Variants in TBCD observed in about 807,000 individuals in gnomAD.
TBCD encodes the protein tubulin-specific chaperone D.
A neutral mutation model predicts 169.3 loss-of-function variants in TBCD; 105 were observed. That is an observed-to-expected ratio of 0.62 (90% CI 0.53 to 0.73). TBCD has a LOEUF of 0.73. Ranked by LOEUF, TBCD falls within the 30% of genes least tolerant of loss-of-function variation. The pLI is 0.00. For missense variants in TBCD, 1,444 were observed against 1,600.1 expected (o/e 0.90, Z 1.66); for synonymous variants, 700 against 643.9 (o/e 1.09, Z -1.32).
At position 82,929,484 on chromosome 17, in the gene TBCD, G is replaced by A; in HGVS notation, c.2975G>A (p.Gly992Asp). 6.2e-7 allele frequency: 1 copy of A among 1,607,738 alleles called. No individual in the cohort carries two copies. Among genetic ancestry groups the A allele is most frequent in the Non-Finnish European group, 8.5e-7 (1 of 1,179,856 alleles). ...CTGGGGCTAGTCGTGTCCCTGGGCGGCTTGACGGAGTCGACGGTGAGGAGG... is the reference window on the plus strand; with the variant it reads ...CTGGGGCTAGTCGTGTCCCTGGGCGACTTGACGGAGTCGACGGTGAGGAGG... ...VLLGLVVSLG[G>D]LTESTIRHST... Residue 992 changes from glycine (G) to aspartate (D), a missense_variant, in exon 32 of 39, where the codon GGC (glycine) becomes GAC (aspartate). Gly to Asp is a moderately conservative substitution (Grantham distance 94, BLOSUM62 -1). Coordinates refer to ENST00000355528, the MANE Select transcript of TBCD (RefSeq NM_005993.5).
intron 24 of TBCD, chr17:82,921,222 G>A (rs754165887): frequency 2.5e-5 from 13 of 518,134 alleles, no homozygotes; most frequent in Non-Finnish European, 3.8e-5. Flanking sequence ...AAGATTTAGG[G>A]GTAACAAAAG....
intron 23 of TBCD, among the ~76,000 whole-genome samples, chr17:82,914,394 G>A (rs1419501475): frequency 3.3e-5 from 5 of 152,214 alleles, no homozygotes; most frequent in Admixed American, 1.3e-4. Context: ...CAGGGTTCAC[G>A]GCAGGGTGTG....
chr17:82,848,465 TC>T (rs1439585571), intron 13 of TBCD, among the ~76,000 whole-genome samples: 5 of 152,154 alleles, frequency 3.3e-5, no homozygotes, highest in African/African-American at 1.2e-4. Flanking sequence ...GCTCCTCTCC[TC>T]CCTGAACCCC....
At chr17:82,876,931 C>T (rs931318002) in intron 14 of TBCD, 28 of 984,636 alleles carry the variant, frequency 2.8e-5, no homozygotes, top group Middle Eastern at 5.2e-4. Flanking sequence ...ACTGCCTGAG[C>T]GGAGCTGTTG....
In TBCD at chr17:82,923,512, C is replaced by T. The variant is rs911376664; in HGVS notation, c.2179-140C>T. ...GCGACCCGCTGGGTCCCTGGTCAGG[C>T]AGGGGCTGCTCTGACCTCAGGGTGA... On this transcript the variant is annotated intron_variant, in intron 25 of 38. Transcript: ENST00000355528. The surrounding 1 kb of genome is among the most constrained non-coding windows in gnomAD (Gnocchi z 4.6). The T allele has an allele frequency of 5.9e-6, 4 of 683,338 alleles. No individual in the cohort carries two copies. Among genetic ancestry groups the T allele is most frequent in the Non-Finnish European group, 1.0e-5 (4 of 400,982 alleles). 42.3% of individuals were successfully genotyped at this position (683,338 alleles called of 1,614,324 possible). A position where few individuals can be genotyped will look rare whatever the true frequency, so the allele number is the denominator to read the frequency against.
chr17:82,928,285 C>T (rs948342750), intron 30 of TBCD, among the ~76,000 whole-genome samples: 2 of 152,158 alleles, frequency 1.3e-5, no homozygotes, highest in Non-Finnish European at 2.9e-5. Context: ...GCCAGCTTCC[C>T]GGGGTAGGGC....
chr17:82,866,799 G>C lies in TBCD; in HGVS notation c.1319-3425G>C, dbSNP rs569952924. ...CAGCTGGAAGCCCAGCCCCTCTGTG[G>C]CTCTGTCCACAGCTGGGGACAGCAG... is the stretch of plus-strand genomic sequence containing the variant. On this transcript the variant is annotated intron_variant, in intron 13 of 38. Transcript: ENST00000355528. 4.6e-5 allele frequency among the ~76,000 whole-genome samples: 7 copies of C among 152,346 alleles called. No homozygotes were observed. In the South Asian group the frequency reaches 1.4e-3, roughly 32 times the overall value.
At chr17:82,793,476 C>A (rs2049890462) in intron 7 of TBCD, among the ~76,000 whole-genome samples, 2 of 152,198 alleles carry the variant, frequency 1.3e-5, no homozygotes, top group Non-Finnish European at 2.9e-5. Flanking sequence ...TGTGGTTTTT[C>A]TGGCCTCCAG....
rs915372375 is a variant in TBCD, at chr17:82,880,734, G to A, written c.1476-3411G>A. ...CACAGTGACACCTGTCTGTCCGTCC[G>A]TCTGTCCACAGGAGCAGGAGGGGCT... On this transcript the variant is annotated intron_variant, in intron 14 of 38. Coordinates refer to ENST00000355528, the MANE Select transcript of TBCD (RefSeq NM_005993.5). This position sits in a 1 kb window ranked among gnomAD's most constrained non-coding sequence, Gnocchi z 5.0. 2.6e-5 allele frequency among the ~76,000 whole-genome samples: 4 copies of A among 152,208 alleles called. No homozygotes were observed. The highest frequency in any genetic ancestry group is 5.9e-5 in the Non-Finnish European group (4 of 68,036).
chr17:82,906,861 A>G (rs2060287690), intron 20 of TBCD, among the ~76,000 whole-genome samples: 1 of 152,252 alleles, frequency 6.6e-6, no homozygotes, highest in Non-Finnish European at 1.5e-5. Context: ...TGCCCGTGCA[A>G]GACCTGGCCT....
chr17:82,809,570 C>A lies in TBCD; in HGVS notation c.1149-138C>A, dbSNP rs570320301. On this transcript the variant is annotated intron_variant, in intron 11 of 38. Coordinates refer to ENST00000355528, the MANE Select transcript of TBCD (RefSeq NM_005993.5). The stretch of plus-strand genomic sequence containing the variant: ...TAGCGCGGGGGCTCCAAGCAGGGTG[C>A]GGGCTTGCCTGGAGTTGGCCTCTTC... 1.1e-4 allele frequency: 94 copies of A among 846,790 alleles called. No homozygotes were observed. The South Asian group carries it at 1.4e-3, about 13-fold the overall frequency. The allele number at this position is 846,790 out of a possible 1,614,324, so 52.5% of individuals were successfully genotyped here.
chr17:82,900,218 C>T (rs965245256), intron 17 of TBCD, among the ~76,000 whole-genome samples: 1 of 152,176 alleles, frequency 6.6e-6, no homozygotes, highest in African/African-American at 2.4e-5. Flanking sequence ...CCCTGAGGCC[C>T]CTGATCTGCC....
intron 35 of TBCD, chr17:82,937,746 G>A (rs766877623): frequency 3.4e-5 from 31 of 924,306 alleles, no homozygotes; most frequent in Non-Finnish European, 4.9e-5. Context: ...GCCAGCGATA[G>A]GCACCTTGGC....
intron 13 of TBCD, among the ~76,000 whole-genome samples, chr17:82,842,216 C>A (rs1276910303): frequency 6.6e-6 from 1 of 152,190 alleles, no homozygotes; most frequent in African/African-American, 2.4e-5. Flanking sequence ...TCCAGTGAGG[C>A]CTTTGAGAAT....
intron 3 of TBCD, among the ~76,000 whole-genome samples, chr17:82,765,476 A>G (rs1212367870): frequency 6.6e-6 from 1 of 151,948 alleles, no homozygotes; most frequent in Non-Finnish European, 1.5e-5. Context: ...CACTGTTGGC[A>G]GTTTTGACTA....
chr17:82,798,807 GAC>G (rs2050291920), intron 8 of TBCD, among the ~76,000 whole-genome samples: 1 of 152,130 alleles, frequency 6.6e-6, no homozygotes, highest in South Asian at 2.1e-4. Flanking sequence ...TGGAATACAT[GAC>G]ACAGCTCACT....
At chr17:82,845,108 C>T (rs1281131903) in intron 13 of TBCD, among the ~76,000 whole-genome samples, 5 of 152,122 alleles carry the variant, frequency 3.3e-5, no homozygotes, top group South Asian at 2.1e-4. Context: ...CAGGTGCTGG[C>T]GCCGCGGCCT....
At chr17:82,897,009 T>G (rs938140088) in intron 17 of TBCD, among the ~76,000 whole-genome samples, 7 of 152,274 alleles carry the variant, frequency 4.6e-5, no homozygotes, top group African/African-American at 1.7e-4. Context: ...GATGATGCAG[T>G]TTCAGTCATC....
At chr17:82,834,572 A>AATGG (rs1261021270) in intron 13 of TBCD, among the ~76,000 whole-genome samples, 1 of 152,146 alleles carries the variant, frequency 6.6e-6, no homozygotes, top group Non-Finnish European at 1.5e-5. Context: ...CGCAGGGAGA[A>AATGG]ATGGATGGAG....
Sources: gnomAD v4.1 joint callset for allele counts (sites outside exome capture counted in the v4.1 genomes callset) on GRCh38, gnomAD v4.1.1 for gene constraint, Gnocchi (gnomAD v3.1) non-coding constraint, MANE v1.5 for transcripts, NCBI Gene and HGNC (gene_info 2026-07-23, HGNC 2026-07-21) for gene names.